SYCP2: variants seen among roughly 807,000 people sequenced by gnomAD.
The protein encoded by SYCP2 is synaptonemal complex protein 2.
Under a neutral mutation model 211.3 loss-of-function variants are expected in SYCP2, and 55 were observed. The observed-to-expected ratio is 0.26, with a 90% confidence interval of 0.21 to 0.33. The LOEUF (loss-of-function observed/expected upper bound fraction) is 0.33, where lower values mean the gene tolerates loss of function less well. SYCP2 is among the 10% of genes least tolerant of loss of function. The pLI, the probability that SYCP2 is intolerant of heterozygous loss-of-function variation, is 1.00. For missense variants in SYCP2, 1,731 were observed against 1,752.0 expected, an observed-to-expected ratio of 0.99 and a Z score of 0.21; for synonymous variants, 570 against 555.2, an observed-to-expected ratio of 1.03 and a Z score of -0.37.
intron 24 of SYCP2, among the ~76,000 whole-genome samples, chr20:59,890,595 T>TA (rs2059887631): frequency 6.6e-6 from 1 of 151,484 alleles, no homozygotes; most frequent in Non-Finnish European, 1.5e-5. Flanking sequence ...GGTAGGTAGG[T>TA]AGGTAGGTAG....
intron 15 of SYCP2, 65 bp from the exon 16 acceptor site, chr20:59,901,875 T>C (rs553699143): frequency 1.6e-6 from 2 of 1,257,970 alleles, no homozygotes; most frequent in East Asian, 5.1e-5. Flanking sequence ...ATACTATAAA[T>C]AAGACATGGA....
intron 2 of SYCP2, among the ~76,000 whole-genome samples, chr20:59,925,373 T>G (rs1198464374): frequency 2.0e-5 from 3 of 152,040 alleles, no homozygotes; most frequent in African/African-American, 7.2e-5. Flanking sequence ...AATAACCTAT[T>G]GATTTTCTCA....
At chr20:59,884,751 A>G (rs1487082440) in intron 26 of SYCP2, among the ~76,000 whole-genome samples, 1 of 152,126 alleles carries the variant, frequency 6.6e-6, no homozygotes, top group Non-Finnish European at 1.5e-5. Flanking sequence ...AAGATGTTAA[A>G]GAAGGTAAGC....
chr20:59,916,187 T>C (rs1031725640), intron 8 of SYCP2, among the ~76,000 whole-genome samples: 3 of 152,214 alleles, frequency 2.0e-5, no homozygotes, highest in African/African-American at 7.2e-5. Context: ...CTTATGATTA[T>C]AGTACATGTA....
chr20:59,920,356 T>C lies in SYCP2; in HGVS notation c.297+3A>G. The C allele has an allele frequency of 1.3e-6, 2 of 1,599,358 alleles. No homozygotes were observed. The highest frequency in any genetic ancestry group is 1.7e-6 in the Non-Finnish European group (2 of 1,170,196). On this transcript the variant is annotated splice_donor_region_variant and intron_variant, in intron 5 of 44. Coordinates refer to ENST00000357552, the MANE Select transcript of SYCP2 (RefSeq NM_014258.4). The stretch of plus-strand genomic sequence containing the variant: ...ATGAATATGTTACATATTCTATACT[T>C]ATCTTTTGTATTAGTCCTTGTTTTA...
rs758490826 is a variant in SYCP2 at position 59,892,189 on chromosome 20, G to A, written c.2165C>T (p.Thr722Ile). ...KQSDWPVESE[T>I]TFKSVLLNKT... ...ATTTAGGAGAACCGATTTAAAAGTA[G>A]TTTCAGATTCAACAGGCCAATCACT... is the stretch of plus-strand genomic sequence containing the variant. Residue 722 changes from threonine (T) to isoleucine (I), a missense_variant, in exon 24 of 45, where the codon ACT becomes ATT. Thr to Ile is a moderately conservative substitution (Grantham distance 89). This residue lies in a region of SYCP2 where 1,387 missense variants were observed against 1,351.3 expected (regional missense o/e 1.03). Transcript: ENST00000357552. The A allele has an allele frequency of 4.0e-5, 64 of 1,612,586 alleles. No homozygotes were observed. The South Asian group carries it at 6.4e-4, about 16-fold the overall frequency.
rs2060418020 is a variant in SYCP2 at position 59,915,333 on chromosome 20, C to CA, written c.599+131dup. ...CATCGACTTTTGCAGAAATTATATG[C>CA]ATACACTAAATTATATTAAAAAGCT... is the stretch of plus-strand genomic sequence containing the variant. On this transcript the variant is annotated intron_variant, in intron 9 of 44. Transcript: ENST00000357552. The CA allele has an allele frequency of 4.1e-6, 4 of 964,210 alleles. No individual in the cohort carries two copies. The Admixed American group carries it at 6.8e-5, about 16-fold the overall frequency. The allele number at this position is 964,210 out of a possible 1,614,324, so 59.7% of individuals were successfully genotyped here.
intron 2 of SYCP2, among the ~76,000 whole-genome samples, chr20:59,926,995 C>T (rs2060645306): frequency 6.6e-6 from 1 of 152,094 alleles, no homozygotes; most frequent in African/African-American, 2.4e-5. Flanking sequence ...GAAATATATA[C>T]CAGAACTTTG....
At chr20:59,907,529 G>C in intron 14 of SYCP2, 105 bp from the exon 15 acceptor site, 2 of 856,540 alleles carry the variant, frequency 2.3e-6, no homozygotes, top group Admixed American at 2.4e-5. Flanking sequence ...CTTTTTGCTA[G>C]TCACTAAGTA....
At chr20:59,932,380 T>C (rs2060768816) in intron 1 of SYCP2, among the ~76,000 whole-genome samples, 1 of 151,966 alleles carries the variant, frequency 6.6e-6, no homozygotes, top group South Asian at 2.1e-4. Context: ...CTCCCATCAT[T>C]ACTAAAAAAT....
intron 2 of SYCP2, among the ~76,000 whole-genome samples, chr20:59,929,849 AG>A (rs202065130): frequency 2.6e-5 from 4 of 152,012 alleles, no homozygotes; most frequent in Non-Finnish European, 2.9e-5. Flanking sequence ...AAAAAAAAAA[AG>A]AGAATTTTAA....
At chr20:59,877,670 A>G in intron 32 of SYCP2, 115 bp from the exon 33 acceptor site, 3 of 829,942 alleles carry the variant, frequency 3.6e-6, no homozygotes, top group Non-Finnish European at 5.6e-6. Flanking sequence ...TGTAAGAATG[A>G]TTCTTGATTA....
intron 39 of SYCP2, among the ~76,000 whole-genome samples, chr20:59,867,014 C>CAAAAAAAAAAAAAAAAAAA (rs779891839): frequency 1.7e-5 from 1 of 60,416 alleles, no homozygotes. Flanking sequence ...GGCCTTGGGC[C>CAAAAAAAAAAAAAAAAAAA]AAAAAAAAAA....
chr20:59,885,662 A>G (rs2059773210), intron 26 of SYCP2, among the ~76,000 whole-genome samples: 2 of 151,484 alleles, frequency 1.3e-5, no homozygotes, highest in African/African-American at 4.9e-5. Context: ...ACACGCGCGC[A>G]CGCGCGATAA....
chr20:59,906,967 AATG>A (rs1255895145), intron 15 of SYCP2, among the ~76,000 whole-genome samples: 2 of 152,222 alleles, frequency 1.3e-5, no homozygotes, highest in Non-Finnish European at 1.5e-5. Flanking sequence ...TGTCTATTGA[AATG>A]ATAAAATATG....
chr20:59,916,116 GTATT>G lies in SYCP2; in HGVS notation c.513+366_513+369del, dbSNP rs2060435622. Among the ~76,000 whole-genome samples, 5 of 152,132 alleles carry G rather than the reference GTATT, an allele frequency of 3.3e-5. No individual in the cohort carries two copies. The South Asian group carries it at 1.0e-3, about 32-fold the overall frequency. On this transcript the variant is annotated intron_variant, in intron 8 of 44. Transcript: ENST00000357552. ...ACTTGTACTTTTTGCAATAAAACTT[GTATT>G]TATTTTAACTCCATTATAAGATCTG...
At chr20:59,879,377 A>G (rs1357314616) in intron 31 of SYCP2, among the ~76,000 whole-genome samples, 3 of 150,054 alleles carry the variant, frequency 2.0e-5, no homozygotes, top group African/African-American at 4.8e-5. Context: ...ATTCAGCTTC[A>G]TTTCTAAACA....
rs747976235 is a variant in SYCP2, at chr20:59,882,181, TA to T, written c.2530-17del. On this transcript the variant is annotated splice_polypyrimidine_tract_variant and intron_variant, in intron 26 of 44. Transcript: ENST00000357552. ...GAACTTTTTCCTGAAAAGAGGGTTATAAAAAAATCATTAAATGGCTAACAGG... is the reference window on the plus strand; with the variant it reads ...GAACTTTTTCCTGAAAAGAGGGTTATAAAAAATCATTAAATGGCTAACAGG... The T allele has an allele frequency of 8.2e-6, 13 of 1,586,064 alleles. No homozygotes were observed. In the East Asian group the frequency reaches 2.0e-4, roughly 25 times the overall value.
At chr20:59,865,346 A>G (rs2059308837) in intron 44 of SYCP2, 42 bp downstream of exon 44, 2 of 1,498,850 alleles carry the variant, frequency 1.3e-6, no homozygotes, top group Admixed American at 3.9e-5. Context: ...AACAAAAGAC[A>G]TTAAAGTATG....
Sources: gnomAD v4.1 joint callset for allele counts (sites outside exome capture counted in the v4.1 genomes callset) on GRCh38, gnomAD v4.1.1 for gene constraint, gnomAD v4.1.1 regional missense constraint, MANE v1.5 for transcripts, NCBI Gene and HGNC (gene_info 2026-07-23, HGNC 2026-07-21) for gene names.